PMM1: variants seen among roughly 807,000 people sequenced by gnomAD.
PMM1 encodes brain glucose-1,6-bisphosphatase.
Under a neutral mutation model 34.0 loss-of-function variants are expected in PMM1, and 25 were observed. The observed-to-expected ratio is 0.73, with a 90% CI of 0.54 to 1.03. The LOEUF (loss-of-function observed/expected upper bound fraction) is 1.03, where lower values mean the gene tolerates loss of function less well. Among genes scored for constraint, PMM1 ranks in the 50% least tolerant of loss-of-function variants. The pLI is 0.00. For missense variants in PMM1, 321 were observed against 350.1 expected (o/e 0.92, Z 0.66); for synonymous variants, 134 against 143.9 (o/e 0.93, Z 0.49).
At chr22:41,577,687 G>A in intron 7 of PMM1, 121 bp downstream of exon 7, 1 of 788,030 alleles carries the variant, frequency 1.3e-6, no homozygotes, top group Non-Finnish European at 2.1e-6. Context: ...CCCCCTAAGA[G>A]GTCTGTTGTG....
rs1303846546 is a variant in PMM1 at position 41,583,941 on chromosome 22, T to C, written c.474+18A>G. ...TGACTGAGGCCCTACAGGCCTAAGA[T>C]TGCATAGCTAGTGGTACCTTGTCCA... On this transcript the variant is annotated intron_variant, in intron 5 of 7. Coordinates refer to ENST00000216259, the MANE Select transcript of PMM1 (RefSeq NM_002676.3). The C allele has an allele frequency of 6.6e-7, 1 of 1,515,916 alleles. No homozygotes were observed. Among genetic ancestry groups the C allele is most frequent in the South Asian group, 1.1e-5 (1 of 89,146 alleles). The allele number at this position is 1,515,916 out of a possible 1,614,324, so 93.9% of individuals were successfully genotyped here. A position where few individuals can be genotyped will look rare whatever the true frequency, so the allele number is the denominator to read the frequency against.
intron 1 of PMM1, among the ~76,000 whole-genome samples, chr22:41,586,841 G>A (rs1406852754): frequency 6.7e-5 from 10 of 149,284 alleles, no homozygotes; most frequent in African/African-American, 2.5e-4. Flanking sequence ...GGCATGGGCT[G>A]GCACGGTGGT....
At chr22:41,583,810 C>A in intron 5 of PMM1, 149 bp downstream of exon 5, 1 of 645,692 alleles carries the variant, frequency 1.5e-6, no homozygotes, top group Non-Finnish European at 2.8e-6. Flanking sequence ...GCAGGTGTGT[C>A]TACAACAATG....
chr22:41,583,455 CTCTA>C (rs1204208981), intron 5 of PMM1, among the ~76,000 whole-genome samples: 3 of 152,060 alleles, frequency 2.0e-5, no homozygotes, highest in Admixed American at 6.6e-5. Flanking sequence ...GCACTCCAGC[CTCTA>C]TCTATTTTTT....
chr22:41,581,456 C>A (rs1199249219), intron 5 of PMM1, among the ~76,000 whole-genome samples: 1 of 152,224 alleles, frequency 6.6e-6, no homozygotes, highest in African/African-American at 2.4e-5. Context: ...AAAATCAAAT[C>A]TTTGCTCTGC....
Position 41,589,787 on chromosome 22 carries a change from C to A in PMM1, c.19G>T (p.Ala7Ser), listed in dbSNP as rs2067359236. MAVTAQ[A>S]ARRKERVLCL... ...AGGACGCGCTCCTTCCTGCGGGCTGCCTGGGCGGTGACTGCCATGGCTGCA... is the reference window on the plus strand; with the variant it reads ...AGGACGCGCTCCTTCCTGCGGGCTGACTGGGCGGTGACTGCCATGGCTGCA... The change falls in exon 1 of 8, where the codon GCA becomes TCA. Residue 7 changes from alanine (A) to serine (S), a missense_variant. By Grantham distance (99) the Ala-to-Ser change is moderately conservative (BLOSUM62 1). Transcript: ENST00000216259. 5 of 1,608,646 alleles carry A rather than the reference C, an allele frequency of 3.1e-6. No homozygotes were observed. Among genetic ancestry groups the A allele is most frequent in the Middle Eastern group, 1.7e-4 (1 of 5,766 alleles).
rs1014961491 is a variant in PMM1, at chr22:41,584,026, AG to A, written c.406del (p.Leu136Ter). 6.2e-7 allele frequency: 1 copy of A among 1,613,906 alleles called. No homozygotes were observed. Among genetic ancestry groups the A allele is most frequent in the Non-Finnish European group, 8.5e-7 (1 of 1,179,904 alleles). On this transcript the variant is annotated frameshift_variant, in exon 5 of 8. Transcript: ENST00000216259. LOFTEE classifies it high-confidence loss of function. The stretch of plus-strand genomic sequence containing the variant: ...GCTCCGGCCGATGGGCGAGATGTTC[AG>A]CATGCCATTCCGGAACTCGATGAAG... ...GTFIEFRNGMLNISPIGRSCT... is the reference protein window; with the variant it reads ...GTFIEFRNGMXNISPIGRSCT...
chr22:41,577,965 GC>G, intron 6 of PMM1, 42 bp from the exon 7 acceptor site: 2 of 1,424,010 alleles, frequency 1.4e-6, no homozygotes, highest in Non-Finnish European at 2.0e-6. Flanking sequence ...GCTGGGAGGG[GC>G]AGACAAGGCT....
Position 41,577,810 on chromosome 22 carries a change from G to GC in PMM1, c.663_664insG (p.Pro222AlafsTer7). ...AACCTGGGGTGGGCCACACTCACAG[G>GC]GCTAGTCTCGTTCCCAAAGAAGTGG... On this transcript the variant is annotated frameshift_variant, in exon 7 of 8. Coordinates refer to ENST00000216259, the MANE Select transcript of PMM1 (RefSeq NM_002676.3). LOFTEE classifies it high-confidence loss of function. 1 of 1,610,836 alleles carries GC rather than the reference G, an allele frequency of 6.2e-7. No homozygotes were observed. The highest frequency in any genetic ancestry group is 1.1e-5 in the South Asian group (1 of 91,028).
At position 41,577,363 on chromosome 22, in the gene PMM1, C is replaced by T. The variant is rs1173016199; in HGVS notation, c.744G>A (p.Gln248=). The change falls in exon 8 of 8, where the codon CAG becomes CAA. Residue 248 remains glutamine, a synonymous_variant. Coordinates refer to ENST00000216259, the MANE Select transcript of PMM1 (RefSeq NM_002676.3). ...CTGGGAAGAAAATCTCCCGGCATCG[C>T]TGCACCGTGTCCTGAGGAGACACCA... ...HSVVSPQDTV[Q]RCREIFFPET... 3.1e-6 allele frequency: 5 copies of T among 1,613,084 alleles called. No individual in the cohort carries two copies. The highest frequency in any genetic ancestry group is 2.2e-5 in the South Asian group (2 of 91,082).
intron 2 of PMM1, chr22:41,584,888 T>C (rs4481089): frequency 0.26 from 97,852 of 378,732 alleles, 16,023 homozygotes; most frequent in African/African-American, 0.48. Context: ...CCTCCAAGAT[T>C]CAGCTTCCTC....
At chr22:41,578,729 C>T (rs988822468) in intron 6 of PMM1, 77 bp downstream of exon 6, 1 of 1,259,230 alleles carries the variant, frequency 7.9e-7, no homozygotes, top group Admixed American at 1.7e-5. Flanking sequence ...GGGCCACAGC[C>T]TGGTCTTGGC....
Position 41,577,270 on chromosome 22 carries a change from C to T in PMM1, c.*48G>A. ...TCCAACACCAGGACCTCTCTTTAGGCCTAGGCCAAACTCTTCAGAAGTCAC... is the reference window on the plus strand; with the variant it reads ...TCCAACACCAGGACCTCTCTTTAGGTCTAGGCCAAACTCTTCAGAAGTCAC... On this transcript the variant is annotated 3_prime_UTR_variant, in exon 8 of 8. Transcript: ENST00000216259. The T allele has an allele frequency of 1.2e-6, 2 of 1,610,744 alleles. No individual in the cohort carries two copies. The highest frequency in any genetic ancestry group is 1.7e-6 in the Non-Finnish European group (2 of 1,179,702).
chr22:41,587,313 G>A (rs935833354), intron 1 of PMM1, among the ~76,000 whole-genome samples: 18 of 151,414 alleles, frequency 1.2e-4, no homozygotes, highest in Admixed American at 2.6e-4. Context: ...GGTGGCAAGC[G>A]CCTGTAATCC....
In PMM1 at chr22:41,578,855, C is replaced by T. The variant is rs750603228; in HGVS notation, c.501G>A (p.Val167=). The part of the protein sequence containing the change: ...DKKEKIREKF[V]EALKTEFAGK... The stretch of plus-strand genomic sequence containing the variant: ...CAGCAAACTCTGTTTTCAGGGCTTC[C>T]ACGAACTTCTCCCGGATCTTCTCTT... Residue 167 remains valine, a synonymous_variant, in exon 6 of 8, where the codon GTG becomes GTA. Transcript: ENST00000216259. The T allele has an allele frequency of 3.7e-6, 6 of 1,614,016 alleles. No individual in the cohort carries two copies. The highest frequency in any genetic ancestry group is 4.2e-6 in the Non-Finnish European group (5 of 1,179,992).
rs370454854 is a variant in PMM1, at chr22:41,589,568, G to T, written c.87+151C>A. ...AGGGCCAGGTCCCCTCACTCCCGGT[G>T]GGTGGCCCCGGATGTCAGGGGGCCG... On this transcript the variant is annotated intron_variant, in intron 1 of 7. Coordinates refer to ENST00000216259, the MANE Select transcript of PMM1 (RefSeq NM_002676.3). The T allele has an allele frequency of 5.8e-5, 38 of 655,836 alleles. No individual in the cohort carries two copies. In the East Asian group the frequency reaches 9.3e-4, roughly 16 times the overall value. 40.6% of individuals were successfully genotyped at this position (655,836 alleles called of 1,614,324 possible).
At chr22:41,589,310 A>G (rs894357866) in intron 1 of PMM1, 28 of 430,762 alleles carry the variant, frequency 6.5e-5, no homozygotes, top group South Asian at 5.1e-4. Context: ...TGTGCCTGGA[A>G]CCCCGGTTCA....
At chr22:41,583,308 T>C (rs916146592) in intron 5 of PMM1, among the ~76,000 whole-genome samples, 8 of 152,136 alleles carry the variant, frequency 5.3e-5, no homozygotes, top group African/African-American at 1.9e-4. Context: ...GGTGAAACCC[T>C]GCCTCTACTA....
chr22:41,577,093 G>A lies in PMM1; in HGVS notation c.*225C>T, dbSNP rs1044482796. The A allele has an allele frequency of 8.5e-6, 5 of 590,638 alleles. No homozygotes were observed. Among genetic ancestry groups the A allele is most frequent in the Admixed American group, 3.0e-5 (1 of 33,846 alleles). The allele number at this position is 590,638 out of a possible 1,614,324, so 36.6% of individuals were successfully genotyped here. On this transcript the variant is annotated 3_prime_UTR_variant, in exon 8 of 8. Coordinates refer to ENST00000216259, the MANE Select transcript of PMM1 (RefSeq NM_002676.3). ...CAGCAGCTGTGGCCTGGGCCACCAG[G>A]TGGAGCATGGGGAACACTCTGGGCC...
Sources: gnomAD v4.1 joint callset for allele counts (sites outside exome capture counted in the v4.1 genomes callset) on GRCh38, gnomAD v4.1.1 for gene constraint, MANE v1.5 for transcripts, NCBI Gene and HGNC (gene_info 2026-07-23, HGNC 2026-07-21) for gene names.